Variants in DMRT1 observed in about 807,000 individuals in gnomAD.
The protein encoded by DMRT1 is doublesex- and mab-3-related transcription factor 1.
Under a neutral mutation model 32.3 loss-of-function variants are expected in DMRT1, and 7 were observed. The observed-to-expected ratio is 0.22, with a 90% CI of 0.12 to 0.41. DMRT1 has a LOEUF of 0.41. Ranked by LOEUF, DMRT1 falls within the 10% of genes least tolerant of loss-of-function variation. The probability of loss-of-function intolerance (pLI) is 1.00; values close to 1 mark genes in which losing one functional copy is unlikely to be tolerated. For missense variants in DMRT1, 625 were observed against 500.5 expected (o/e 1.25, Z -2.37); for synonymous variants, 278 against 206.1 (o/e 1.35, Z -2.99).
intron 4 of DMRT1, among the ~76,000 whole-genome samples, chr9:920,799 C>T (rs1002263819): frequency 2.6e-5 from 4 of 152,112 alleles, no homozygotes; most frequent in Non-Finnish European, 2.9e-5. Context: ...TGACCCTGAG[C>T]AAGCCAGGTG....
rs58861585 is a variant in DMRT1, at chr9:888,782, T to C, written c.539-5130T>C. On this transcript the variant is annotated intron_variant, in intron 2 of 4. Transcript: ENST00000382276. Reference sequence around the variant, plus strand: ...TTTTTAGGAATAGCGTGTGGAGCAGTTGCTTTGAATTTTGAGAGTACAGCC... The same window carrying C: ...TTTTTAGGAATAGCGTGTGGAGCAGCTGCTTTGAATTTTGAGAGTACAGCC... Among the ~76,000 whole-genome samples the C allele has an allele frequency of 7.8e-3, 1,111 of 143,338 alleles. 1 individual carries two copies. Among genetic ancestry groups the C allele is most frequent in the African/African-American group, 0.016 (575 of 36,612 alleles). The allele number at this position is 143,338 out of a possible 152,430, so 94.0% of individuals were successfully genotyped here. A position where few individuals can be genotyped will look rare whatever the true frequency, so the allele number is the denominator to read the frequency against.
chr9:939,402 G>A (rs745451254), intron 4 of DMRT1, among the ~76,000 whole-genome samples: 77 of 152,074 alleles, frequency 5.1e-4, no homozygotes, highest in East Asian at 5.8e-4. Flanking sequence ...TTAATTAGCC[G>A]TCTCTAAAAC....
chr9:925,938 T>C (rs1042223907), intron 4 of DMRT1, among the ~76,000 whole-genome samples: 1 of 152,172 alleles, frequency 6.6e-6, no homozygotes, highest in African/African-American at 2.4e-5. Context: ...TTTAAGTATT[T>C]TCAAGGAAAT....
At chr9:907,681 A>T (rs1465837336) in intron 3 of DMRT1, among the ~76,000 whole-genome samples, 1 of 152,228 alleles carries the variant, frequency 6.6e-6, no homozygotes, top group Non-Finnish European at 1.5e-5. Flanking sequence ...TTACACACAC[A>T]TACACAAAAT....
At chr9:849,892 T>C (rs1304720743) in intron 2 of DMRT1, among the ~76,000 whole-genome samples, 1 of 152,124 alleles carries the variant, frequency 6.6e-6, no homozygotes, top group African/African-American at 2.4e-5. Context: ...GGTGCGATTT[T>C]GGCTCACCGC....
At chr9:853,992 G>C (rs572334517) in intron 2 of DMRT1, among the ~76,000 whole-genome samples, 4 of 151,510 alleles carry the variant, frequency 2.6e-5, no homozygotes, top group Non-Finnish European at 5.9e-5. Flanking sequence ...TGTGGAGACA[G>C]GGTCTCTTTT....
In DMRT1 at chr9:893,981, T is replaced by C; in HGVS notation, c.608T>C (p.Leu203Pro). Residue 203 changes from leucine to proline, a missense_variant, in exon 3 of 5, where the codon CTG becomes CCG. Leu to Pro is a moderately conservative substitution (Grantham distance 98). Around this residue, in one of 3 missense-constraint regions of DMRT1, gnomAD observed 416 missense variants for 321.6 expected, o/e 1.29. Coordinates refer to ENST00000382276, the MANE Select transcript of DMRT1 (RefSeq NM_021951.3). Reference protein sequence around the residue: ...SRGHVENTPDLVSDSTYYSSF... With the variant: ...SRGHVENTPDPVSDSTYYSSF... ...GGGCATGTGGAGAACACACCTGACCTGGTTTCAGACTCCACCTACTACAGC... is the reference window on the plus strand; with the variant it reads ...GGGCATGTGGAGAACACACCTGACCCGGTTTCAGACTCCACCTACTACAGC... 6.2e-7 allele frequency: 1 copy of C among 1,614,198 alleles called. No homozygotes were observed. The highest frequency in any genetic ancestry group is 2.2e-5 in the East Asian group (1 of 44,890).
chr9:893,694 G>A (rs1393319547), intron 2 of DMRT1, among the ~76,000 whole-genome samples: 3 of 152,202 alleles, frequency 2.0e-5, no homozygotes, highest in African/African-American at 4.8e-5. Context: ...GATACTCTCA[G>A]TAAAAACAAT....
At chr9:905,127 G>C (rs1264094988) in intron 3 of DMRT1, among the ~76,000 whole-genome samples, 1 of 152,130 alleles carries the variant, frequency 6.6e-6, no homozygotes, top group East Asian at 1.9e-4. Flanking sequence ...ATTGACTTTA[G>C]TGGATTTTAT....
chr9:953,924 A>G (rs1018076775), intron 4 of DMRT1, among the ~76,000 whole-genome samples: 3 of 152,156 alleles, frequency 2.0e-5, no homozygotes, highest in Non-Finnish European at 4.4e-5. Flanking sequence ...TCTGTAGGGG[A>G]GTCATTAGAT....
At chr9:844,500 T>C (rs963653686) in intron 1 of DMRT1, among the ~76,000 whole-genome samples, 2 of 152,152 alleles carry the variant, frequency 1.3e-5, no homozygotes, top group African/African-American at 2.4e-5. Flanking sequence ...GATTCATTGA[T>C]GTTCTCTTTC....
intron 2 of DMRT1, among the ~76,000 whole-genome samples, chr9:850,122 A>T (rs531778589): frequency 6.6e-6 from 1 of 152,286 alleles, no homozygotes; most frequent in African/African-American, 2.4e-5. Flanking sequence ...CCCAGCTGAC[A>T]ATAGGCTCTC....
intron 4 of DMRT1, among the ~76,000 whole-genome samples, chr9:938,363 G>T (rs1040874484): frequency 3.3e-5 from 5 of 152,122 alleles, no homozygotes; most frequent in African/African-American, 4.8e-5. Context: ...ATTGTTTTGG[G>T]TACTATTGTC....
intron 2 of DMRT1, among the ~76,000 whole-genome samples, chr9:892,837 C>T (rs1172523422): frequency 1.3e-5 from 2 of 152,210 alleles, no homozygotes; most frequent in Non-Finnish European, 2.9e-5. Context: ...TCCAGTTCCT[C>T]AGCCTCACTT....
intron 4 of DMRT1, among the ~76,000 whole-genome samples, chr9:963,235 G>A (rs1209895545): frequency 6.6e-6 from 1 of 152,014 alleles, no homozygotes; most frequent in Non-Finnish European, 1.5e-5. Flanking sequence ...TACAGTGATT[G>A]GCCAGTTCTC....
rs374001086 is a variant in DMRT1 at position 870,409 on chromosome 9, C to CAAT, written c.538+23268_538+23269insTAA. Reference sequence around the variant, plus strand: ...AATGAAACTCTGTCTCAAAAAACAACAACAATAACAACAACAACATAGCTC... The same window carrying CAAT: ...AATGAAACTCTGTCTCAAAAAACAACAATAACAATAACAACAACAACATAGCTC... On this transcript the variant is annotated intron_variant, in intron 2 of 4. Transcript: ENST00000382276. 4.7e-3 allele frequency among the ~76,000 whole-genome samples: 712 copies of CAAT among 150,938 alleles called. 6 individuals are homozygous for CAAT. The highest frequency in any genetic ancestry group is 0.017 in the African/African-American group (679 of 41,066).
chr9:848,543 G>T (rs10977039), intron 2 of DMRT1, among the ~76,000 whole-genome samples: 4 of 144,646 alleles, frequency 2.8e-5, no homozygotes, highest in East Asian at 2.1e-4. Flanking sequence ...CCAAACTTTT[G>T]TTTCCTTTCT....
intron 3 of DMRT1, among the ~76,000 whole-genome samples, chr9:909,944 G>A (rs1817915184): frequency 6.6e-6 from 1 of 152,118 alleles, no homozygotes; most frequent in Non-Finnish European, 1.5e-5. Flanking sequence ...CAACCCCCGG[G>A]CTCAAATAAT....
At chr9:858,640 G>A (rs1436350572) in intron 2 of DMRT1, among the ~76,000 whole-genome samples, 4 of 151,960 alleles carry the variant, frequency 2.6e-5, no homozygotes, top group East Asian at 3.9e-4. Flanking sequence ...TTGGGAGGCC[G>A]AGGCGGGCAG....
Sources: allele counts gnomAD v4.1 joint callset (sites outside exome capture counted in the v4.1 genomes callset), GRCh38; gene constraint gnomAD v4.1.1; regional missense constraint gnomAD v4.1.1; transcripts MANE v1.5; gene names NCBI Gene and HGNC (gene_info 2026-07-23, HGNC 2026-07-21).